The following GASK1A variants were observed in gnomAD, a reference collection of about 807,000 sequenced individuals.
The protein encoded by GASK1A is Golgi-associated kinase 1A.
In GASK1A, 40 loss-of-function variants were observed where a neutral mutation model predicts 41.2. The observed-to-expected ratio is 0.97, with a 90% CI of 0.75 to 1.27. The LOEUF (loss-of-function observed/expected upper bound fraction) is 1.27. Ranked by LOEUF, GASK1A falls within the 50% of genes most tolerant of loss-of-function variation. GASK1A has a pLI of 0.00. For synonymous variants in GASK1A, 316 were observed against 307.1 expected (o/e 1.03, Z -0.30); for missense variants, 678 against 745.1 (o/e 0.91, Z 1.05).
At chr3:42,999,151 A>G (rs546244065) in intron 1 of GASK1A, among the ~76,000 whole-genome samples, 4 of 152,038 alleles carry the variant, frequency 2.6e-5, no homozygotes, top group South Asian at 2.1e-4. Flanking sequence ...ACAGTGTGAC[A>G]ATCTGATTGA....
chr3:43,028,917 C>T (rs936824362), intron 1 of GASK1A, among the ~76,000 whole-genome samples: 22 of 152,126 alleles, frequency 1.4e-4, no homozygotes, highest in African/African-American at 5.3e-4. Context: ...CACCCCACCC[C>T]TTCTTAAGCA....
intron 1 of GASK1A, among the ~76,000 whole-genome samples, chr3:43,009,204 A>G (rs1276208972): frequency 6.6e-6 from 1 of 152,172 alleles, no homozygotes; most frequent in Non-Finnish European, 1.5e-5. Context: ...GCTCCTGTGT[A>G]TCCTTCAGCG....
intron 1 of GASK1A, among the ~76,000 whole-genome samples, chr3:42,986,850 G>T (rs2089314155): frequency 2.0e-5 from 3 of 152,210 alleles, no homozygotes; most frequent in Non-Finnish European, 4.4e-5. Context: ...CAGGTAGGGA[G>T]ATGTTTGGGC....
intron 1 of GASK1A, among the ~76,000 whole-genome samples, chr3:42,996,362 T>G (rs187822734): frequency 8.3e-4 from 127 of 152,340 alleles, no homozygotes; most frequent in Non-Finnish European, 1.4e-3. Flanking sequence ...GTAGAGTGAT[T>G]TTATTTTTAT....
chr3:42,988,204 C>T (rs2089322391), intron 1 of GASK1A, among the ~76,000 whole-genome samples: 1 of 152,110 alleles, frequency 6.6e-6, no homozygotes, highest in Admixed American at 6.5e-5. Flanking sequence ...CTGCTGCATC[C>T]TTCCTAGCCC....
At chr3:43,042,472 A>G (rs2089642927) in intron 2 of GASK1A, among the ~76,000 whole-genome samples, 1 of 152,114 alleles carries the variant, frequency 6.6e-6, no homozygotes. Context: ...ACAGAGCCAG[A>G]CCCTGTCTCA....
intron 1 of GASK1A, among the ~76,000 whole-genome samples, chr3:42,994,053 G>C (rs921621374): frequency 9.9e-5 from 15 of 152,220 alleles, no homozygotes; most frequent in Non-Finnish European, 1.8e-4. Flanking sequence ...TCCCAGGTGG[G>C]CCCTCCAGCC....
intron 1 of GASK1A, among the ~76,000 whole-genome samples, chr3:43,005,870 A>G (rs1016296757): frequency 2.6e-5 from 4 of 152,176 alleles, no homozygotes; most frequent in East Asian, 3.8e-4. Flanking sequence ...AAGGCATTCA[A>G]TTTGTGGGTG....
chr3:43,045,745 G>C (rs1029544590), intron 2 of GASK1A, among the ~76,000 whole-genome samples: 3 of 152,132 alleles, frequency 2.0e-5, no homozygotes, highest in African/African-American at 7.2e-5. Flanking sequence ...TAATCCCTAC[G>C]TGTCAAGGAA....
intron 1 of GASK1A, among the ~76,000 whole-genome samples, chr3:43,009,284 TC>T (rs1452740600): frequency 6.6e-6 from 1 of 152,202 alleles, no homozygotes; most frequent in Non-Finnish European, 1.5e-5. Flanking sequence ...ACTCATCATC[TC>T]CCATGTCTCA....
intron 1 of GASK1A, among the ~76,000 whole-genome samples, chr3:43,008,739 G>A (rs2089448684): frequency 6.6e-6 from 1 of 152,200 alleles, no homozygotes; most frequent in South Asian, 2.1e-4. Flanking sequence ...GCACTTAGGA[G>A]CAGCAGAGCA....
intron 2 of GASK1A, chr3:43,037,060 A>G (rs1269707580): frequency 7.6e-6 from 4 of 525,144 alleles, no homozygotes; most frequent in Non-Finnish European, 1.4e-5. Context: ...TGAAAAATTA[A>G]GAGCATGCTC....
At chr3:43,044,308 C>A (rs577641274) in intron 2 of GASK1A, among the ~76,000 whole-genome samples, 1 of 152,168 alleles carries the variant, frequency 6.6e-6, no homozygotes, top group Non-Finnish European at 1.5e-5. Flanking sequence ...TAGGCTTGTG[C>A]GTGGAAGAGA....
intron 1 of GASK1A, among the ~76,000 whole-genome samples, chr3:43,019,786 ACACC>A (rs979192353): frequency 1.4e-5 from 2 of 147,392 alleles, no homozygotes; most frequent in African/African-American, 5.0e-5. Flanking sequence ...ACACACACAC[ACACC>A]CCATCACATG....
chr3:43,030,625 A>T (rs576069248), intron 1 of GASK1A, among the ~76,000 whole-genome samples: 11 of 152,208 alleles, frequency 7.2e-5, no homozygotes, highest in Admixed American at 3.3e-4. Flanking sequence ...CACTGCTGTC[A>T]TCTTTGGCTG....
intron 1 of GASK1A, among the ~76,000 whole-genome samples, chr3:43,029,692 C>T (rs1428986893): frequency 6.6e-6 from 1 of 152,154 alleles, no homozygotes; most frequent in Non-Finnish European, 1.5e-5. Flanking sequence ...GCCTCATGTC[C>T]AGGAGGCAGA....
chr3:42,986,054 T>A (rs745573080), intron 1 of GASK1A, among the ~76,000 whole-genome samples: 1 of 152,222 alleles, frequency 6.6e-6, no homozygotes, highest in Non-Finnish European at 1.5e-5. Context: ...GCTTTACGTA[T>A]AATTGCCCCA....
intron 2 of GASK1A, chr3:43,037,186 C>T: frequency 8.8e-7 from 1 of 1,136,070 alleles, no homozygotes. Flanking sequence ...GCCAAAGAAC[C>T]TAAGTCAAAA....
intron 1 of GASK1A, among the ~76,000 whole-genome samples, chr3:43,022,207 A>G (rs72869076): frequency 1.2e-3 from 186 of 152,208 alleles, no homozygotes; most frequent in African/African-American, 3.8e-3. Context: ...TTCTCTTCAG[A>G]TGATGTTTTT....
Sources: gnomAD v4.1 joint callset for allele counts (sites outside exome capture counted in the v4.1 genomes callset) on GRCh38, gnomAD v4.1.1 for gene constraint, MANE v1.5 for transcripts, NCBI Gene and HGNC (gene_info 2026-07-23, HGNC 2026-07-21) for gene names.